Variants in HDAC4 observed in about 807,000 individuals in gnomAD.
HDAC4 encodes histone deacetylase A.
Under a neutral mutation model 135.1 loss-of-function variants are expected in HDAC4, and 16 were observed. The ratio of observed to expected loss-of-function variants is 0.12; its 90% CI spans 0.08 to 0.18. The LOEUF is 0.18. HDAC4 is among the 10% of genes least tolerant of loss of function. The pLI, the probability that HDAC4 is intolerant of heterozygous loss-of-function variation, is 1.00. For missense variants in HDAC4, 1,143 were observed against 1,511.8 expected (o/e 0.76, Z 4.05); for synonymous variants, 685 against 653.4 (o/e 1.05, Z -0.74).
At chr2:239,363,505 T>C (rs1693988816) in intron 1 of HDAC4, among the ~76,000 whole-genome samples, 1 of 152,250 alleles carries the variant, frequency 6.6e-6, no homozygotes, top group Non-Finnish European at 1.5e-5. Context: ...CAGGGTCTTT[T>C]CAATATGCAG....
At chr2:239,398,207 T>G (rs1575813643) in intron 1 of HDAC4, among the ~76,000 whole-genome samples, 2 of 152,248 alleles carry the variant, frequency 1.3e-5, no homozygotes, top group South Asian at 4.1e-4. Context: ...ATTAATATAT[T>G]ACTCATGGCA....
intron 3 of HDAC4, among the ~76,000 whole-genome samples, chr2:239,205,234 T>G (rs1008739849): frequency 1.3e-5 from 2 of 151,880 alleles, no homozygotes; most frequent in Admixed American, 1.3e-4. Context: ...TTTCCAGAAC[T>G]GGTGGGAGAC....
At chr2:239,271,163 G>C (rs776421034) in intron 2 of HDAC4, among the ~76,000 whole-genome samples, 1 of 152,280 alleles carries the variant, frequency 6.6e-6, no homozygotes, top group Non-Finnish European at 1.5e-5. Flanking sequence ...GCCCAGGCTG[G>C]AATGCAGTGG....
At chr2:239,131,499 G>C (rs2040582237) in intron 11 of HDAC4, among the ~76,000 whole-genome samples, 1 of 152,216 alleles carries the variant, frequency 6.6e-6, no homozygotes, top group Admixed American at 6.5e-5. Flanking sequence ...GGAGCAACAA[G>C]GCAGGGCTGG....
intron 1 of HDAC4, among the ~76,000 whole-genome samples, chr2:239,383,790 A>G (rs1312573593): frequency 2.6e-5 from 4 of 152,224 alleles, no homozygotes; most frequent in Non-Finnish European, 5.9e-5. Flanking sequence ...AATGGACAAC[A>G]GAGACTGGAA....
intron 5 of HDAC4, among the ~76,000 whole-genome samples, chr2:239,166,067 C>T (rs1265816201): frequency 6.6e-6 from 1 of 152,204 alleles, no homozygotes; most frequent in Non-Finnish European, 1.5e-5. Context: ...CTTTTCCTTG[C>T]CACCTTCATC....
At chr2:239,173,473 C>T (rs746366553) in intron 5 of HDAC4, among the ~76,000 whole-genome samples, 7 of 152,188 alleles carry the variant, frequency 4.6e-5, no homozygotes, top group African/African-American at 7.2e-5. Flanking sequence ...ATTGAAACCC[C>T]GAGCAAACAA....
At chr2:239,129,223 C>G (rs1218494119) in intron 11 of HDAC4, among the ~76,000 whole-genome samples, 1 of 152,214 alleles carries the variant, frequency 6.6e-6, no homozygotes, top group Non-Finnish European at 1.5e-5. Context: ...CACCCTACCC[C>G]TGGGTATCCT....
At chr2:239,138,320 T>G (rs891625246) in intron 9 of HDAC4, among the ~76,000 whole-genome samples, 1 of 152,248 alleles carries the variant, frequency 6.6e-6, no homozygotes, top group Non-Finnish European at 1.5e-5. Flanking sequence ...GCAGTAATTC[T>G]AGTCTCTAAA....
At chr2:239,325,602 C>A (rs1433628949) in intron 2 of HDAC4, among the ~76,000 whole-genome samples, 5 of 152,082 alleles carry the variant, frequency 3.3e-5, no homozygotes, top group African/African-American at 7.2e-5. Context: ...AAATTGGAAC[C>A]CTCATACGTG....
chr2:239,050,619 A>C lies in HDAC4; in HGVS notation c.*2478T>G, dbSNP rs879623404. On this transcript the variant is annotated 3_prime_UTR_variant, in exon 27 of 27. Transcript: ENST00000543185. ...TGACCAAGTGAATCCAAGAATCTGC[A>C]CTCATTTGGTCAAAAGTTTGAGTTA... is the stretch of plus-strand genomic sequence containing the variant. 6.6e-6 allele frequency: 1 copy of C among 152,642 alleles called. No homozygotes were observed. Among genetic ancestry groups the C allele is most frequent in the Non-Finnish European group, 1.5e-5 (1 of 68,044 alleles). The allele number at this position is 152,642 out of a possible 1,614,324, so 9.5% of individuals were successfully genotyped here.
At chr2:239,356,191 A>G (rs1693479443) in intron 1 of HDAC4, among the ~76,000 whole-genome samples, 1 of 152,356 alleles carries the variant, frequency 6.6e-6, no homozygotes, top group East Asian at 1.9e-4. Flanking sequence ...TGATCAATGA[A>G]AAGTCCAGTA....
At chr2:239,216,971 G>A (rs1166824239) in intron 3 of HDAC4, among the ~76,000 whole-genome samples, 1 of 152,214 alleles carries the variant, frequency 6.6e-6, no homozygotes, top group Non-Finnish European at 1.5e-5. Flanking sequence ...AAAGACAGGT[G>A]ACTGCATTCA....
At chr2:239,129,198 C>T (rs1056524593) in intron 11 of HDAC4, among the ~76,000 whole-genome samples, 32 of 152,292 alleles carry the variant, frequency 2.1e-4, no homozygotes, top group Admixed American at 3.9e-4. Context: ...AACCCAGGGC[C>T]GCCATACACA....
chr2:239,163,657 G>A (rs976615107), intron 6 of HDAC4, 146 bp downstream of exon 6: 12 of 873,390 alleles, frequency 1.4e-5, no homozygotes, highest in Admixed American at 5.1e-5. Flanking sequence ...ACCCACATCC[G>A]AGCACCACTG....
intron 3 of HDAC4, among the ~76,000 whole-genome samples, chr2:239,203,706 T>C (rs1301833307): frequency 6.6e-6 from 1 of 152,112 alleles, no homozygotes; most frequent in Admixed American, 6.5e-5. Flanking sequence ...AGGGAAAGAC[T>C]TCACTGCAGC....
Position 239,049,625 on chromosome 2 carries a change from G to A in HDAC4, c.*3472C>T, listed in dbSNP as rs183188895. On this transcript the variant is annotated 3_prime_UTR_variant, in exon 27 of 27. Transcript: ENST00000543185. ...AACAACAAAGTCCATTGCTAGTGCT[G>A]CAAAAATCAAACTTGCTTTTGTGTC... 265 of 152,660 alleles carry A rather than the reference G, an allele frequency of 1.7e-3. 1 individual carries two copies. The highest frequency in any genetic ancestry group is 2.1e-3 in the Non-Finnish European group (142 of 68,022). The allele number at this position is 152,660 out of a possible 1,614,324, so 9.5% of individuals were successfully genotyped here.
chr2:239,386,239 G>A (rs141925349), intron 1 of HDAC4, among the ~76,000 whole-genome samples: 2 of 152,130 alleles, frequency 1.3e-5, no homozygotes, highest in African/African-American at 2.4e-5. Flanking sequence ...GGGCTGGGGC[G>A]GCCGCACAGG....
chr2:239,331,618 T>C lies in HDAC4; in HGVS notation c.22+21060A>G, dbSNP rs1691577165. The stretch of plus-strand genomic sequence containing the variant: ...CACGGGCCAGGTGAGCGAACTGCAA[T>C]GACACGTCGCCAGGGCTGCACTGGA... On this transcript the variant is annotated intron_variant, in intron 2 of 26. Coordinates refer to ENST00000543185, the MANE Select transcript of HDAC4 (RefSeq NM_001378414.1). This position sits in a 1 kb window ranked among gnomAD's most constrained non-coding sequence, Gnocchi z 4.5. 6.6e-6 allele frequency among the ~76,000 whole-genome samples: 1 copy of C among 152,132 alleles called. No individual in the cohort carries two copies. Among genetic ancestry groups the C allele is most frequent in the Non-Finnish European group, 1.5e-5 (1 of 68,024 alleles).
Sources: allele counts gnomAD v4.1 joint callset (sites outside exome capture counted in the v4.1 genomes callset), GRCh38; gene constraint gnomAD v4.1.1; non-coding constraint Gnocchi (gnomAD v3.1); transcripts MANE v1.5; gene names NCBI Gene and HGNC (gene_info 2026-07-23, HGNC 2026-07-21).